ITPRID1: variants seen among roughly 807,000 people sequenced by gnomAD.
The protein encoded by ITPRID1 is protein ITPRID1.
ITPRID1 carries 96 observed loss-of-function variants against 95.4 expected under a neutral mutation model. The observed-to-expected ratio is 1.01, with a 90% CI of 0.85 to 1.19. ITPRID1 has a LOEUF of 1.19. ITPRID1 is among the 50% of genes most tolerant of loss of function. The pLI is 0.00. For missense variants in ITPRID1, 1,339 were observed against 1,252.9 expected, an observed-to-expected ratio of 1.07 and a Z score of -1.04; for synonymous variants, 510 against 453.6, an observed-to-expected ratio of 1.12 and a Z score of -1.58.
rs557033283 is a variant in ITPRID1 at position 31,548,152 on chromosome 7, TA to T, written c.-97-1273del. Among the ~76,000 whole-genome samples, 62 of 152,172 alleles carry T rather than the reference TA, an allele frequency of 4.1e-4. 1 individual carries two copies. Among genetic ancestry groups the T allele is most frequent in the African/African-American group, 1.4e-3 (59 of 41,524 alleles). Reference sequence around the variant, plus strand: ...ATTAGGATTTTGGAGAGTGTTCTCTTACAGTGAAGTACAACCATAGGAATCA... The same window carrying T: ...ATTAGGATTTTGGAGAGTGTTCTCTTCAGTGAAGTACAACCATAGGAATCA... On this transcript the variant is annotated intron_variant, in intron 1 of 14. Transcript: ENST00000615280.
At chr7:31,583,268 A>G in intron 10 of ITPRID1, 77 bp downstream of exon 10, 1 of 1,004,238 alleles carries the variant, frequency 1.0e-6, no homozygotes, top group Non-Finnish European at 1.6e-6. Context: ...ATTTCTTAAT[A>G]TGTACAGAGC....
chr7:31,558,248 A>G (rs1350796438), intron 5 of ITPRID1, among the ~76,000 whole-genome samples: 1 of 152,178 alleles, frequency 6.6e-6, no homozygotes, highest in East Asian at 1.9e-4. Flanking sequence ...TGTGAGCCAA[A>G]TAAACTTCTT....
chr7:31,595,189 C>T (rs1786033465), intron 10 of ITPRID1, among the ~76,000 whole-genome samples: 1 of 150,830 alleles, frequency 6.6e-6, no homozygotes, highest in African/African-American at 2.4e-5. Flanking sequence ...GGATTACAGG[C>T]ATGAGCCACC....
At chr7:31,563,635 T>G (rs1309959796) in intron 5 of ITPRID1, among the ~76,000 whole-genome samples, 1 of 152,184 alleles carries the variant, frequency 6.6e-6, no homozygotes, top group African/African-American at 2.4e-5. Context: ...TAGTGAGTCC[T>G]GAACTCACTG....
chr7:31,638,136 G>A (rs539349397), intron 10 of ITPRID1, among the ~76,000 whole-genome samples: 1 of 152,164 alleles, frequency 6.6e-6, no homozygotes, highest in Non-Finnish European at 1.5e-5. Context: ...GCTTTTGAAA[G>A]GTTACTGCAA....
intron 10 of ITPRID1, among the ~76,000 whole-genome samples, chr7:31,586,936 A>G (rs1785640340): frequency 6.6e-6 from 1 of 152,064 alleles, no homozygotes. Context: ...CCTGAATGGT[A>G]ATGCCTAGGT....
chr7:31,574,168 AT>A (rs34822604), intron 7 of ITPRID1, among the ~76,000 whole-genome samples: 24,389 of 145,896 alleles, frequency 0.17, 2,351 homozygotes, highest in South Asian at 0.31. Flanking sequence ...GTTTTGTGGG[AT>A]TTTTTTTTTT....
chr7:31,587,747 A>G (rs1435186916), intron 10 of ITPRID1, among the ~76,000 whole-genome samples: 1 of 151,036 alleles, frequency 6.6e-6, no homozygotes, highest in African/African-American at 2.4e-5. Context: ...CTATACTACA[A>G]GGCTACAGTA....
chr7:31,608,531 C>A (rs1165544387), intron 10 of ITPRID1, among the ~76,000 whole-genome samples: 2 of 151,780 alleles, frequency 1.3e-5, no homozygotes, highest in African/African-American at 4.8e-5. Context: ...TCTTTAATTT[C>A]TTTCAGCAGC....
rs1783528803 is a variant in ITPRID1 at position 31,529,590 on chromosome 7, T to G, written c.-98+15470T>G. 13 of 554,508 alleles carry G rather than the reference T, an allele frequency of 2.3e-5. 1 individual carries two copies. The South Asian group carries it at 3.5e-4, about 15-fold the overall frequency. The allele number at this position is 554,508 out of a possible 1,614,324, so 34.3% of individuals were successfully genotyped here. On this transcript the variant is annotated intron_variant, in intron 1 of 14. Transcript: ENST00000615280. ...AGAGAATCACTTTGTGTCTTTACCC[T>G]CAACTTGACCATGGCTTTAGGCAAA...
intron 10 of ITPRID1, among the ~76,000 whole-genome samples, chr7:31,588,751 A>G (rs1218168947): frequency 6.6e-6 from 1 of 152,040 alleles, no homozygotes; most frequent in Admixed American, 6.6e-5. Context: ...AAGGAGGAAA[A>G]TCTCCAAATT....
intron 1 of ITPRID1, among the ~76,000 whole-genome samples, chr7:31,529,227 A>G (rs887403832): frequency 1.3e-5 from 2 of 152,164 alleles, no homozygotes; most frequent in East Asian, 3.9e-4. Flanking sequence ...GAATCTCTCC[A>G]TCCTGAATAT....
chr7:31,649,217 A>G (rs983244773), intron 12 of ITPRID1, among the ~76,000 whole-genome samples: 1 of 152,240 alleles, frequency 6.6e-6, no homozygotes, highest in African/African-American at 2.4e-5. Flanking sequence ...TACTCTTAGG[A>G]AAGTATTTCC....
chr7:31,575,822 A>G (rs1482013014), intron 8 of ITPRID1, among the ~76,000 whole-genome samples: 1 of 152,118 alleles, frequency 6.6e-6, no homozygotes, highest in Non-Finnish European at 1.5e-5. Flanking sequence ...TGGAGTTCTC[A>G]TTTTAGCTCC....
intron 10 of ITPRID1, among the ~76,000 whole-genome samples, chr7:31,606,930 G>T (rs1786650710): frequency 6.6e-6 from 1 of 151,584 alleles, no homozygotes; most frequent in South Asian, 2.1e-4. Context: ...CCTTACTCTT[G>T]GTATCTACTC....
At chr7:31,549,619 GA>G in intron 2 of ITPRID1, 120 bp downstream of exon 2, 1 of 658,312 alleles carries the variant, frequency 1.5e-6, no homozygotes, top group Non-Finnish European at 2.4e-6. Context: ...ATTTCCCCAA[GA>G]TGTCAGAAAG....
intron 10 of ITPRID1, among the ~76,000 whole-genome samples, chr7:31,596,111 A>G (rs959374219): frequency 2.0e-5 from 3 of 151,328 alleles, no homozygotes; most frequent in Non-Finnish European, 4.4e-5. Context: ...TTGATACTAT[A>G]TTACCAATAT....
Position 31,571,440 on chromosome 7 carries a change from C to T in ITPRID1, c.309-662C>T, listed in dbSNP as rs147861251. ...TTTTTAATAAATTCTAAATATATGCCAACTGGCTATTATATTTGATGGGGC... is the reference window on the plus strand; with the variant it reads ...TTTTTAATAAATTCTAAATATATGCTAACTGGCTATTATATTTGATGGGGC... On this transcript the variant is annotated intron_variant, in intron 6 of 14. Transcript: ENST00000615280. Among the ~76,000 whole-genome samples the T allele has an allele frequency of 6.5e-3, 994 of 152,218 alleles. 10 individuals carry two copies. Among genetic ancestry groups the T allele is most frequent in the Non-Finnish European group, 0.01 (693 of 68,008 alleles).
chr7:31,642,733 C>T lies in ITPRID1; in HGVS notation c.1363C>T (p.Pro455Ser). ...TCCTGCTGAGAATGGAGGTAGAAAG[C>T]CAAGAGATCAGAGCCACAGCTTAGT... ...QSPAENGGRKPRDQSHSLVSS... is the reference protein window; with the variant it reads ...QSPAENGGRKSRDQSHSLVSS... The change falls in exon 12 of 15, where the codon CCA becomes TCA. Residue 455 changes from proline (P) to serine (S), a missense_variant. Transcript: ENST00000615280. 1 of 1,613,966 alleles carries T rather than the reference C, an allele frequency of 6.2e-7. No homozygotes were observed. Among genetic ancestry groups the T allele is most frequent in the Non-Finnish European group, 8.5e-7 (1 of 1,179,886 alleles).
Sources: gnomAD v4.1 joint callset for allele counts (sites outside exome capture counted in the v4.1 genomes callset) on GRCh38, gnomAD v4.1.1 for gene constraint, MANE v1.5 for transcripts, NCBI Gene and HGNC (gene_info 2026-07-23, HGNC 2026-07-21) for gene names.